The following DTNA variants were observed in gnomAD, a reference collection of about 807,000 sequenced individuals.
DTNA encodes dystrobrevin alpha, also known as dystrophin-related protein 3.
A neutral mutation model predicts 100.7 loss-of-function variants in DTNA; 43 were observed. The observed-to-expected ratio is 0.43, with a 90% CI of 0.33 to 0.55. The LOEUF (loss-of-function observed/expected upper bound fraction) is 0.55. Ranked by LOEUF, DTNA falls within the 20% of genes least tolerant of loss-of-function variation. The pLI is 0.04. For synonymous variants in DTNA, 349 were observed against 347.9 expected, an observed-to-expected ratio of 1.00 and a Z score of -0.04; for missense variants, 798 against 953.9, an observed-to-expected ratio of 0.84 and a Z score of 2.15.
chr18:34,525,488 A>G (rs1365095316), intron 1 of DTNA, among the ~76,000 whole-genome samples: 1 of 152,102 alleles, frequency 6.6e-6, no homozygotes, highest in Non-Finnish European at 1.5e-5. Flanking sequence ...GTCTTATACT[A>G]TTGTGAGTGT....
chr18:34,583,085 C>G (rs1283336492), intron 1 of DTNA, among the ~76,000 whole-genome samples: 1 of 151,940 alleles, frequency 6.6e-6, no homozygotes, highest in Non-Finnish European at 1.5e-5. Flanking sequence ...GATAGTTTTG[C>G]CTAGGAAGGA....
intron 5 of DTNA, 47 bp from the exon 6 acceptor site, chr18:34,811,912 G>C (rs1220703963): frequency 6.2e-7 from 1 of 1,609,380 alleles, no homozygotes. Flanking sequence ...AAAAACAGTG[G>C]AGAATGTTCA....
At chr18:34,753,366 A>ATTTATTTTTTTT (rs2092499145) in intron 1 of DTNA, among the ~76,000 whole-genome samples, 1 of 133,148 alleles carries the variant, frequency 7.5e-6, no homozygotes, top group African/African-American at 3.2e-5. Context: ...TATTTATTTT[A>ATTTATTTTTTTT]TTTTTTTTTT....
chr18:34,811,844 T>G, intron 5 of DTNA, 115 bp from the exon 6 acceptor site: 1 of 1,225,246 alleles, frequency 8.2e-7, no homozygotes, highest in Non-Finnish European at 1.2e-6. Flanking sequence ...TATATTATTC[T>G]TTCATAAAAA....
intron 13 of DTNA, among the ~76,000 whole-genome samples, chr18:34,843,372 G>GC (rs992588145): frequency 3.3e-5 from 5 of 151,838 alleles, no homozygotes; most frequent in Admixed American, 1.3e-4. Context: ...TAATTTTAAT[G>GC]CCCCCCTAGA....
intron 3 of DTNA, among the ~76,000 whole-genome samples, chr18:34,781,346 TA>T (rs1477592610): frequency 6.6e-6 from 1 of 152,242 alleles, no homozygotes; most frequent in Non-Finnish European, 1.5e-5. Context: ...TAAAACAGGC[TA>T]ATTGACATAT....
At chr18:34,639,673 G>A (rs1189414538) in intron 1 of DTNA, among the ~76,000 whole-genome samples, 1 of 152,152 alleles carries the variant, frequency 6.6e-6, no homozygotes, top group East Asian at 1.9e-4. Flanking sequence ...TCATGTTCAA[G>A]CTATAAACAC....
In DTNA at chr18:34,572,200, C is replaced by T. The variant is rs530914204; in HGVS notation, c.-2+78686C>T. ...GATAAACAGATGCTCAGAACCCAGC[C>T]CTAGAGATTCTGATTCAGGCCCAGT... On this transcript the variant is annotated intron_variant, in intron 1 of 19. Transcript: ENST00000283365. Among the ~76,000 whole-genome samples the T allele has an allele frequency of 3.3e-5, 5 of 152,246 alleles. No homozygotes were observed. In the East Asian group the frequency reaches 9.7e-4, roughly 29 times the overall value.
chr18:34,738,336 T>C (rs1381434395), intron 1 of DTNA, among the ~76,000 whole-genome samples: 1 of 152,174 alleles, frequency 6.6e-6, no homozygotes, highest in Non-Finnish European at 1.5e-5. Context: ...TCATGTAATA[T>C]GAGCTGCAAT....
chr18:34,842,209 G>A (rs2149776211), intron 13 of DTNA, among the ~76,000 whole-genome samples: 1 of 152,204 alleles, frequency 6.6e-6, no homozygotes, highest in South Asian at 2.1e-4. Context: ...ATTGTCACTT[G>A]ATTAGACTCC....
At chr18:34,781,939 C>T (rs900277909) in intron 3 of DTNA, among the ~76,000 whole-genome samples, 1 of 152,182 alleles carries the variant, frequency 6.6e-6, no homozygotes, top group Non-Finnish European at 1.5e-5. Flanking sequence ...GGAGACAGTT[C>T]CTCATGGCTG....
At chr18:34,510,320 C>T (rs2040929856) in intron 1 of DTNA, among the ~76,000 whole-genome samples, 2 of 151,928 alleles carry the variant, frequency 1.3e-5, no homozygotes, top group East Asian at 3.9e-4. Context: ...GAGTTTTCAT[C>T]CCTCAGTACC....
chr18:34,620,320 A>G (rs2056224070), intron 1 of DTNA, among the ~76,000 whole-genome samples: 1 of 152,242 alleles, frequency 6.6e-6, no homozygotes, highest in African/African-American at 2.4e-5. Context: ...TTAAATGTCA[A>G]TTTTAAATAA....
At chr18:34,555,899 A>G (rs1468447153) in intron 1 of DTNA, among the ~76,000 whole-genome samples, 2 of 151,908 alleles carry the variant, frequency 1.3e-5, no homozygotes, top group African/African-American at 4.8e-5. Flanking sequence ...CTTGGTGCAG[A>G]GCTGAGTTCA....
intron 1 of DTNA, among the ~76,000 whole-genome samples, chr18:34,502,919 T>G (rs1175707054): frequency 3.3e-5 from 5 of 152,184 alleles, no homozygotes; most frequent in Non-Finnish European, 5.9e-5. Flanking sequence ...TTGCTGATTT[T>G]CTGTCTAGTT....
intron 1 of DTNA, among the ~76,000 whole-genome samples, chr18:34,639,766 T>A (rs2059063093): frequency 6.6e-6 from 1 of 152,192 alleles, no homozygotes; most frequent in African/African-American, 2.4e-5. Context: ...GTGTTTTTGT[T>A]TGTTTATTTC....
intron 1 of DTNA, among the ~76,000 whole-genome samples, chr18:34,699,212 C>T (rs1435076159): frequency 6.6e-6 from 1 of 151,808 alleles, no homozygotes; most frequent in Non-Finnish European, 1.5e-5. Flanking sequence ...GGAATGGGTT[C>T]ATGTGATTAT....
intron 1 of DTNA, among the ~76,000 whole-genome samples, chr18:34,545,673 A>G (rs2044703612): frequency 6.6e-6 from 1 of 152,086 alleles, no homozygotes; most frequent in Admixed American, 6.6e-5. Flanking sequence ...TGGATTTCAG[A>G]GCTTCCCACT....
At chr18:34,677,140 T>C (rs1348165833) in intron 1 of DTNA, among the ~76,000 whole-genome samples, 5 of 152,124 alleles carry the variant, frequency 3.3e-5, no homozygotes, top group African/African-American at 1.2e-4. Flanking sequence ...ATATATGGGG[T>C]GAAGTGGGGC....
Sources: allele counts gnomAD v4.1 joint callset (sites outside exome capture counted in the v4.1 genomes callset), GRCh38; gene constraint gnomAD v4.1.1; transcripts MANE v1.5; gene names NCBI Gene and HGNC (gene_info 2026-07-23, HGNC 2026-07-21).